PHACTR1: variants seen among roughly 807,000 people sequenced by gnomAD.
PHACTR1 encodes RPEL repeat containing 1.
In PHACTR1, 16 loss-of-function variants were observed where a neutral mutation model predicts 69.2. The observed-to-expected ratio is 0.23, with a 90% CI of 0.16 to 0.35. The LOEUF is 0.35. Ranked by LOEUF, PHACTR1 falls within the 10% of genes least tolerant of loss-of-function variation. The pLI is 1.00. For missense variants in PHACTR1, 510 were observed against 734.7 expected (o/e 0.69, Z 3.54); for synonymous variants, 312 against 284.5 (o/e 1.10, Z -0.97).
intron 10 of PHACTR1, among the ~76,000 whole-genome samples, chr6:13,237,366 G>A (rs1397866011): frequency 1.3e-5 from 2 of 151,980 alleles, no homozygotes; most frequent in African/African-American, 2.4e-5. Flanking sequence ...AACAGAATGA[G>A]ACCCCTCTTT....
chr6:13,278,392 C>T, intron 12 of PHACTR1, 63 bp downstream of exon 12: 1 of 1,485,826 alleles, frequency 6.7e-7, no homozygotes. Flanking sequence ...CACACCTCTG[C>T]CCTCTGCTGG....
At chr6:13,180,962 C>T (rs1762099759) in intron 6 of PHACTR1, among the ~76,000 whole-genome samples, 1 of 151,856 alleles carries the variant, frequency 6.6e-6, no homozygotes, top group African/African-American at 2.4e-5. Flanking sequence ...ACTTTTACTA[C>T]CATTTTGGGC....
chr6:12,919,015 A>G (rs1787333736), intron 4 of PHACTR1, among the ~76,000 whole-genome samples: 1 of 152,142 alleles, frequency 6.6e-6, no homozygotes, highest in African/African-American at 2.4e-5. Flanking sequence ...AGAGATGGAG[A>G]CGGAGTTTTG....
intron 4 of PHACTR1, among the ~76,000 whole-genome samples, chr6:13,000,614 G>GAGGAAGGAAGGAAGGAAGGA (rs796923836): frequency 0.038 from 3,965 of 103,698 alleles, 396 homozygotes; most frequent in African/African-American, 0.15. Context: ...GGAGGGAAGG[G>GAGGAAGGAAGGAAGGAAGGA]AGGAAGGAAG....
At chr6:12,827,791 A>T (rs933682421) in intron 4 of PHACTR1, among the ~76,000 whole-genome samples, 125 of 152,210 alleles carry the variant, frequency 8.2e-4, no homozygotes, top group African/African-American at 2.9e-3. Context: ...AAGAAAGCAG[A>T]AGTAAATTTT....
intron 3 of PHACTR1, among the ~76,000 whole-genome samples, chr6:12,743,034 T>G (rs989772093): frequency 2.6e-5 from 4 of 152,286 alleles, no homozygotes; most frequent in Non-Finnish European, 5.9e-5. Context: ...CAACCTGATA[T>G]GGAGTCACTA....
At chr6:12,961,806 G>A (rs1053172784) in intron 4 of PHACTR1, among the ~76,000 whole-genome samples, 9 of 152,184 alleles carry the variant, frequency 5.9e-5, no homozygotes, top group African/African-American at 2.2e-4. Context: ...TACTGGTAAG[G>A]TTGATTTTTC....
intron 3 of PHACTR1, 43 bp from the exon 4 acceptor site, chr6:12,749,601 T>C (rs1284570907): frequency 8.6e-7 from 1 of 1,160,936 alleles, no homozygotes; most frequent in Non-Finnish European, 1.1e-6. Flanking sequence ...CTCCTCCCCC[T>C]TCCGCCTCTC....
chr6:13,137,654 T>C (rs890230674), intron 5 of PHACTR1, among the ~76,000 whole-genome samples: 1 of 152,288 alleles, frequency 6.6e-6, no homozygotes, highest in Admixed American at 6.5e-5. Flanking sequence ...GTGTTCATGC[T>C]GCACAGGTGA....
chr6:13,131,854 T>A (rs1412217978), intron 5 of PHACTR1, among the ~76,000 whole-genome samples: 1 of 152,160 alleles, frequency 6.6e-6, no homozygotes, highest in Non-Finnish European at 1.5e-5. Flanking sequence ...CCTTAATCCT[T>A]TCCTGTTATT....
intron 4 of PHACTR1, among the ~76,000 whole-genome samples, chr6:12,902,691 C>T (rs368629860): frequency 7.9e-5 from 12 of 152,098 alleles, no homozygotes; most frequent in African/African-American, 2.4e-4. Context: ...CTTGAATGTT[C>T]GATTGCTCCA....
chr6:13,071,820 C>G (rs191936002), intron 5 of PHACTR1, among the ~76,000 whole-genome samples: 1 of 152,130 alleles, frequency 6.6e-6, no homozygotes, highest in African/African-American at 2.4e-5. Flanking sequence ...CACTGCATGT[C>G]GTTGTGGGGA....
chr6:12,938,739 G>A (rs1789742094), intron 4 of PHACTR1, among the ~76,000 whole-genome samples: 1 of 152,006 alleles, frequency 6.6e-6, no homozygotes, highest in Admixed American at 6.5e-5. Context: ...CAAGCAACAA[G>A]GATCTGCATT....
intron 4 of PHACTR1, among the ~76,000 whole-genome samples, chr6:12,774,071 C>T (rs1561869351): frequency 6.6e-6 from 1 of 152,114 alleles, no homozygotes; most frequent in Non-Finnish European, 1.5e-5. Context: ...AGGTGTTCAA[C>T]TGGAAGGTCA....
rs536739675 is a variant in PHACTR1, at chr6:12,936,095, A to G, written c.251-117270A>G. Among the ~76,000 whole-genome samples, 3 of 152,044 alleles carry G rather than the reference A, an allele frequency of 2.0e-5. No homozygotes were observed. The South Asian group carries it at 6.2e-4, about 32-fold the overall frequency. ...TTGTTGCCCTCTTGAAGATATATAC[A>G]TATTTGCAACAAACAATGAGTGTTG... On this transcript the variant is annotated intron_variant, in intron 4 of 14. Transcript: ENST00000332995.
At chr6:12,854,418 C>G (rs889352161) in intron 4 of PHACTR1, among the ~76,000 whole-genome samples, 2 of 152,124 alleles carry the variant, frequency 1.3e-5, no homozygotes, top group Non-Finnish European at 2.9e-5. Context: ...GATGTTTGTA[C>G]CTTGTTAGCA....
At chr6:13,035,303 C>T (rs1244867096) in intron 4 of PHACTR1, among the ~76,000 whole-genome samples, 1 of 152,140 alleles carries the variant, frequency 6.6e-6, no homozygotes, top group Non-Finnish European at 1.5e-5. Flanking sequence ...AATTTGGCAT[C>T]CAATTAAGCC....
intron 5 of PHACTR1, among the ~76,000 whole-genome samples, chr6:13,074,837 A>C (rs1302046863): frequency 1.3e-5 from 2 of 152,234 alleles, no homozygotes; most frequent in African/African-American, 4.8e-5. Flanking sequence ...TCAGATACGG[A>C]GAGGACTTTA....
chr6:12,895,281 C>T (rs538577896), intron 4 of PHACTR1, among the ~76,000 whole-genome samples: 5 of 150,576 alleles, frequency 3.3e-5, no homozygotes, highest in South Asian at 4.2e-4. Flanking sequence ...TCCCAGGTTC[C>T]AGCGATTCTC....
Sources: gnomAD v4.1 joint callset for allele counts (sites outside exome capture counted in the v4.1 genomes callset) on GRCh38, gnomAD v4.1.1 for gene constraint, MANE v1.5 for transcripts, NCBI Gene and HGNC (gene_info 2026-07-23, HGNC 2026-07-21) for gene names.